NTNG1: variants seen among roughly 807,000 people sequenced by gnomAD.
The protein encoded by NTNG1 is netrin G1.
A neutral mutation model predicts 54.0 loss-of-function variants in NTNG1; 16 were observed. The ratio of observed to expected loss-of-function variants is 0.30; its 90% CI spans 0.20 to 0.45. The LOEUF (loss-of-function observed/expected upper bound fraction) is 0.45. Ranked by LOEUF, NTNG1 falls within the 20% of genes least tolerant of loss-of-function variation. The pLI, the probability that NTNG1 is intolerant of heterozygous loss-of-function variation, is 1.00. For synonymous variants in NTNG1, 255 were observed against 263.1 expected (o/e 0.97, Z 0.30); for missense variants, 530 against 678.7 (o/e 0.78, Z 2.43).
intron 7 of NTNG1, among the ~76,000 whole-genome samples, chr1:107,460,213 C>G (rs542561666): frequency 6.6e-6 from 1 of 152,288 alleles, no homozygotes; most frequent in South Asian, 2.1e-4. Context: ...AAACTCAGCT[C>G]ATGCCCCGGT....
At chr1:107,453,359 C>T (rs1676737852) in intron 7 of NTNG1, among the ~76,000 whole-genome samples, 1 of 152,166 alleles carries the variant, frequency 6.6e-6, no homozygotes. Context: ...GGATTTTCAT[C>T]TAAAACTTCA....
At chr1:107,315,279 C>G (rs772792533) in intron 2 of NTNG1, among the ~76,000 whole-genome samples, 2 of 152,164 alleles carry the variant, frequency 1.3e-5, no homozygotes, top group Non-Finnish European at 2.9e-5. Context: ...TATCAAGCCA[C>G]CAACATGCCT....
chr1:107,410,016 G>A (rs1243307686), intron 5 of NTNG1: 1 of 152,090 alleles, frequency 6.6e-6, no homozygotes, highest in East Asian at 1.9e-4. Context: ...GGTTTTCAAG[G>A]TGCAAGCCAG....
rs891422920 is a variant in NTNG1, at chr1:107,470,012, A to G, written c.1391-10599A>G. On this transcript the variant is annotated intron_variant, in intron 7 of 7. Coordinates refer to ENST00000370068, the MANE Select transcript of NTNG1 (RefSeq NM_001113226.3). ...TAGCACCAGTCTCTACTAATTACCA[A>G]CAAGATGGTCATCCGTTGGGTTGCA... Among the ~76,000 whole-genome samples, 3 of 152,192 alleles carry G rather than the reference A, an allele frequency of 2.0e-5. No individual in the cohort carries two copies. In the East Asian group the frequency reaches 5.8e-4, roughly 29 times the overall value.
chr1:107,480,595 C>CCAAA lies in NTNG1; in HGVS notation c.1391-15_1391-14insAAAC. 2.8e-6 allele frequency: 1 copy of CCAAA among 360,146 alleles called. No homozygotes were observed. Among genetic ancestry groups the CCAAA allele is most frequent in the Non-Finnish European group, 5.3e-6 (1 of 189,346 alleles). 22.3% of individuals were successfully genotyped at this position (360,146 alleles called of 1,614,324 possible). A position where few individuals can be genotyped will look rare whatever the true frequency, so the allele number is the denominator to read the frequency against. ...CCCCGCGCCCACCCACCCCTACCTT[C>CCAAA]CCCCTCATTCTGCAGCGAATGTCTG... On this transcript the variant is annotated splice_polypyrimidine_tract_variant and intron_variant, in intron 7 of 7. Transcript: ENST00000370068.
chr1:107,268,203 A>G (rs1388363638), intron 2 of NTNG1, among the ~76,000 whole-genome samples: 1 of 152,218 alleles, frequency 6.6e-6, no homozygotes, highest in Non-Finnish European at 1.5e-5. Context: ...ACTTCTGTTT[A>G]CAACAAAACT....
intron 5 of NTNG1, among the ~76,000 whole-genome samples, chr1:107,423,037 A>G (rs991579): frequency 0.29 from 43,955 of 151,824 alleles, 6,564 homozygotes; most frequent in Non-Finnish European, 0.3. Context: ...AGCCAGTGTC[A>G]GTCAAAAGGA....
At chr1:107,231,648 A>T (rs146488140) in intron 2 of NTNG1, among the ~76,000 whole-genome samples, 1 of 152,158 alleles carries the variant, frequency 6.6e-6, no homozygotes, top group Admixed American at 6.6e-5. Context: ...AGAAGGGAAG[A>T]TAACCAAACA....
At chr1:107,446,182 G>A (rs980453941) in intron 7 of NTNG1, among the ~76,000 whole-genome samples, 1 of 152,074 alleles carries the variant, frequency 6.6e-6, no homozygotes, top group Non-Finnish European at 1.5e-5. Flanking sequence ...TATTTACAAG[G>A]CCCCAACTGT....
chr1:107,327,127 T>C (rs1357948125), intron 3 of NTNG1, among the ~76,000 whole-genome samples: 2 of 152,076 alleles, frequency 1.3e-5, no homozygotes, highest in African/African-American at 4.8e-5. Context: ...GCTGGGCAAA[T>C]GAGAAAGGTC....
At chr1:107,386,155 ATATATATATATTT>A (rs1671972215) in intron 3 of NTNG1, among the ~76,000 whole-genome samples, 1 of 114,996 alleles carries the variant, frequency 8.7e-6, no homozygotes, top group African/African-American at 3.0e-5. Context: ...GTGTGTATAT[ATATATATATATTT>A]TTTTTTTTTT....
chr1:107,246,429 C>G (rs1191978777), intron 2 of NTNG1, among the ~76,000 whole-genome samples: 1 of 149,916 alleles, frequency 6.7e-6, no homozygotes, highest in African/African-American at 2.5e-5. Flanking sequence ...AAAAAATGTC[C>G]TTGTGGGAAA....
At chr1:107,188,543 T>A (rs1657648640) in intron 2 of NTNG1, among the ~76,000 whole-genome samples, 1 of 152,182 alleles carries the variant, frequency 6.6e-6, no homozygotes, top group Non-Finnish European at 1.5e-5. Context: ...CTTTAGAATT[T>A]TGAATTAATG....
At chr1:107,274,143 G>T (rs1176737480) in intron 2 of NTNG1, among the ~76,000 whole-genome samples, 1 of 152,176 alleles carries the variant, frequency 6.6e-6, no homozygotes, top group Non-Finnish European at 1.5e-5. Flanking sequence ...AAGGAATTGG[G>T]AATTAGGGAG....
intron 3 of NTNG1, among the ~76,000 whole-genome samples, chr1:107,358,220 T>G (rs1219843370): frequency 6.6e-6 from 1 of 152,128 alleles, no homozygotes; most frequent in African/African-American, 2.4e-5. Flanking sequence ...GAGAAAATAT[T>G]ACACTCTGGA....
At chr1:107,287,629 A>T (rs1293477720) in intron 2 of NTNG1, among the ~76,000 whole-genome samples, 4 of 152,146 alleles carry the variant, frequency 2.6e-5, no homozygotes, top group Admixed American at 1.3e-4. Context: ...ATGGTAGGGG[A>T]AAAGGTTGAA....
intron 2 of NTNG1, among the ~76,000 whole-genome samples, chr1:107,251,082 C>A (rs973918988): frequency 6.6e-6 from 1 of 152,158 alleles, no homozygotes; most frequent in Admixed American, 6.6e-5. Flanking sequence ...AAATTTCATG[C>A]AGTAATGCTT....
At chr1:107,257,106 T>C (rs969798479) in intron 2 of NTNG1, among the ~76,000 whole-genome samples, 2 of 152,134 alleles carry the variant, frequency 1.3e-5, no homozygotes, top group African/African-American at 4.8e-5. Flanking sequence ...CTCCAAAAAA[T>C]AATGGTAAAC....
At chr1:107,203,591 T>C (rs1036282962) in intron 2 of NTNG1, among the ~76,000 whole-genome samples, 27 of 150,766 alleles carry the variant, frequency 1.8e-4, no homozygotes, top group African/African-American at 5.9e-4. Context: ...TGTGTGTGTG[T>C]ATATATATAC....
Sources: gnomAD v4.1 joint callset for allele counts (sites outside exome capture counted in the v4.1 genomes callset) on GRCh38, gnomAD v4.1.1 for gene constraint, MANE v1.5 for transcripts, NCBI Gene and HGNC (gene_info 2026-07-23, HGNC 2026-07-21) for gene names.